Variants in HCFC2 observed in about 807,000 individuals in gnomAD.
HCFC2 encodes host cell factor 2.
In HCFC2, 18 loss-of-function variants were observed where a neutral mutation model predicts 89.2. That is an observed-to-expected ratio of 0.20 (90% CI 0.14 to 0.30). The LOEUF is 0.30. Ranked by LOEUF, HCFC2 falls within the 10% of genes least tolerant of loss-of-function variation. The pLI is 1.00. For synonymous variants in HCFC2, 308 were observed against 335.7 expected, an observed-to-expected ratio of 0.92 and a Z score of 0.90; for missense variants, 578 against 956.1, an observed-to-expected ratio of 0.60 and a Z score of 5.21.
chr12:104,086,088 C>T (rs1380094316), intron 7 of HCFC2, among the ~76,000 whole-genome samples: 4 of 151,150 alleles, frequency 2.6e-5, no homozygotes, highest in Admixed American at 2.6e-4. Context: ...ACCTCCACCT[C>T]CCAGATTCAA....
chr12:104,080,963 A>C (rs1438158098), intron 5 of HCFC2, 133 bp downstream of exon 5: 1 of 558,896 alleles, frequency 1.8e-6, no homozygotes, highest in Non-Finnish European at 3.1e-6. Context: ...TGCTGACTGA[A>C]GCTAAAATAA....
At chr12:104,090,828 T>C (rs1884002145) in intron 9 of HCFC2, 1 of 152,230 alleles carries the variant, frequency 6.6e-6, no homozygotes, top group Non-Finnish European at 1.5e-5. Flanking sequence ...GATACTTGGC[T>C]GTCCCTTTTT....
At chr12:104,071,603 T>A (rs960999538) in intron 3 of HCFC2, among the ~76,000 whole-genome samples, 4 of 152,220 alleles carry the variant, frequency 2.6e-5, no homozygotes, top group African/African-American at 4.8e-5. Flanking sequence ...ATTTTATTTT[T>A]TTGAGAAAGG....
At chr12:104,094,690 CAAGGAAGTAT>C (rs1324359679) in intron 10 of HCFC2, among the ~76,000 whole-genome samples, 1 of 152,016 alleles carries the variant, frequency 6.6e-6, no homozygotes, top group Non-Finnish European at 1.5e-5. Flanking sequence ...TTGGGGAGAT[CAAGGAAGTAT>C]AAACTGTTCT....
In HCFC2 at chr12:104,098,489, T is replaced by G; in HGVS notation, c.1878+9T>G. The G allele has an allele frequency of 6.3e-7, 1 of 1,593,572 alleles. No homozygotes were observed. Among genetic ancestry groups the G allele is most frequent in the Non-Finnish European group, 8.5e-7 (1 of 1,172,608 alleles). Reference sequence around the variant, plus strand: ...AGCAAAGCATCTCAAAGGTAGCTATTGATATATTTTCTACATTGTAAATTA... The same window carrying G: ...AGCAAAGCATCTCAAAGGTAGCTATGGATATATTTTCTACATTGTAAATTA... On this transcript the variant is annotated intron_variant, in intron 13 of 14. Transcript: ENST00000229330.
At chr12:104,098,303 C>A in intron 12 of HCFC2, 40 bp from the exon 13 acceptor site, 1 of 1,548,530 alleles carries the variant, frequency 6.5e-7, no homozygotes, top group South Asian at 1.2e-5. Context: ...TTCGTATATT[C>A]AATAAGAGTC....
chr12:104,086,058 T>C (rs1461395992), intron 7 of HCFC2, among the ~76,000 whole-genome samples: 1 of 150,558 alleles, frequency 6.6e-6, no homozygotes, highest in Non-Finnish European at 1.5e-5. Flanking sequence ...AGTGCAGTGT[T>C]GCGACCTCGG....
chr12:104,089,139 C>G (rs1275497487), intron 9 of HCFC2, among the ~76,000 whole-genome samples: 1 of 152,106 alleles, frequency 6.6e-6, no homozygotes, highest in African/African-American at 2.4e-5. Flanking sequence ...GTTTTTGCAT[C>G]CTGCGAATAC....
chr12:104,103,147 A>G lies in HCFC2; in HGVS notation c.2253A>G (p.Ala751=), dbSNP rs2930860. Residue 751 remains alanine (A), a synonymous_variant, in exon 15 of 15, where the codon GCA becomes GCG. Transcript: ENST00000229330. ...TAACTGCTGGGCAACTTGCAAATGC[A>G]CATATTGATTATACATCCAGGCCTG... ...CIVTAGQLAN[A]HIDYTSRPAI... is the part of the protein sequence containing the mutation. 1 of 1,614,166 alleles carries G rather than the reference A, an allele frequency of 6.2e-7. No individual in the cohort carries two copies. Among genetic ancestry groups the G allele is most frequent in the Non-Finnish European group, 8.5e-7 (1 of 1,179,982 alleles).
At chr12:104,066,774 C>G (rs1027322190) in intron 2 of HCFC2, among the ~76,000 whole-genome samples, 97 of 152,218 alleles carry the variant, frequency 6.4e-4, no homozygotes, top group African/African-American at 2.3e-3. Flanking sequence ...TACCAGGTTC[C>G]CAGCTGCTGA....
At chr12:104,078,035 G>A (rs1883561457) in intron 3 of HCFC2, among the ~76,000 whole-genome samples, 1 of 152,040 alleles carries the variant, frequency 6.6e-6, no homozygotes, top group Non-Finnish European at 1.5e-5. Context: ...GTCTCACTCT[G>A]TCTCCCAGGC....
intron 3 of HCFC2, among the ~76,000 whole-genome samples, chr12:104,069,671 C>T (rs1482181286): frequency 6.6e-6 from 1 of 151,704 alleles, no homozygotes; most frequent in African/African-American, 2.4e-5. Context: ...TTTAGACTTT[C>T]TCTTTTTTTA....
rs1219577136 is a variant in HCFC2 at position 104,103,230 on chromosome 12, T to C, written c.2336T>C (p.Val779Ala). The C allele has an allele frequency of 1.2e-6, 2 of 1,613,882 alleles. No individual in the cohort carries two copies. The highest frequency in any genetic ancestry group is 8.5e-7 in the Non-Finnish European group (1 of 1,179,774). The change falls in exon 15 of 15, where the codon GTT (valine) becomes GCT (alanine). Residue 779 changes from valine (V) to alanine (A), a missense_variant. Transcript: ENST00000229330. The part of the protein sequence containing the change: ...NEKGYGPATQ[V>A]RWLQGNNKKA... ...AAGGGATATGGACCAGCTACACAAG[T>C]TCGGTGGCTTCAAGGTAACAATAAG...
Position 104,064,861 on chromosome 12 carries a change from A to C in HCFC2, c.163+138A>C. 6.8e-6 allele frequency: 5 copies of C among 730,432 alleles called. No individual in the cohort carries two copies. Among genetic ancestry groups the C allele is most frequent in the Non-Finnish European group, 1.0e-5 (5 of 499,466 alleles). The allele number at this position is 730,432 out of a possible 1,614,324, so 45.2% of individuals were successfully genotyped here. On this transcript the variant is annotated intron_variant, in intron 1 of 14. Transcript: ENST00000229330. The surrounding 1 kb of genome is among the most constrained non-coding windows in gnomAD (Gnocchi z 7.3). ...GGGCGGGCGGCGGGGAGCGCGGCTC[A>C]GCCGGGCAGCCCGGGTCCGGCAGCT...
intron 10 of HCFC2, among the ~76,000 whole-genome samples, chr12:104,094,788 A>G (rs556190185): frequency 3.4e-4 from 52 of 152,236 alleles, no homozygotes; most frequent in Middle Eastern, 3.4e-3. Flanking sequence ...TGCTTCAGGG[A>G]TTTGATGATG....
Position 104,104,223 on chromosome 12 carries a change from GT to G in HCFC2, c.*954del, listed in dbSNP as rs1307776661. On this transcript the variant is annotated 3_prime_UTR_variant, in exon 15 of 15. Transcript: ENST00000229330. ...AACAGGACACAAGTTTTAAAATAGT[GT>G]TTTAAACATTTGTAAGATTTTTGTA... is the stretch of plus-strand genomic sequence containing the variant. The G allele has an allele frequency of 6.6e-6, 1 of 151,974 alleles. No individual in the cohort carries two copies. The highest frequency in any genetic ancestry group is 2.4e-5 in the African/African-American group (1 of 41,422). 9.4% of individuals were successfully genotyped at this position (151,974 alleles called of 1,614,324 possible).
At chr12:104,074,016 CA>C (rs1174878144) in intron 3 of HCFC2, among the ~76,000 whole-genome samples, 16 of 152,306 alleles carry the variant, frequency 1.1e-4, no homozygotes, top group African/African-American at 3.8e-4. Flanking sequence ...GGACCCTTTA[CA>C]GGAAACATTT....
intron 3 of HCFC2, among the ~76,000 whole-genome samples, chr12:104,069,541 G>A (rs1455447777): frequency 4.1e-5 from 6 of 145,592 alleles, no homozygotes; most frequent in Non-Finnish European, 7.5e-5. Context: ...AAAAAAAAAA[G>A]ATTTCACATA....
chr12:104,098,505 T>C, intron 13 of HCFC2, 25 bp downstream of exon 13: 1 of 1,567,648 alleles, frequency 6.4e-7, no homozygotes, highest in Non-Finnish European at 8.6e-7. Context: ...ATTTTCTACA[T>C]TGTAAATTAT....
Sources: gnomAD v4.1 joint callset for allele counts (sites outside exome capture counted in the v4.1 genomes callset) on GRCh38, gnomAD v4.1.1 for gene constraint, Gnocchi (gnomAD v3.1) non-coding constraint, MANE v1.5 for transcripts, NCBI Gene and HGNC (gene_info 2026-07-23, HGNC 2026-07-21) for gene names.